Variants in C2CD3 observed in about 807,000 individuals in gnomAD.
The protein encoded by C2CD3 is C2 domain containing 3 centriole elongation regulator, also known as C2 domain-containing protein 3.
C2CD3 carries 148 observed loss-of-function variants against 234.0 expected under a neutral mutation model. The observed-to-expected ratio is 0.63, with a 90% CI of 0.55 to 0.72. The LOEUF is 0.72. Ranked by LOEUF, C2CD3 falls within the 30% of genes least tolerant of loss-of-function variation. The pLI is 0.00. For missense variants in C2CD3, 2,577 were observed against 2,811.5 expected (o/e 0.92, Z 1.89); for synonymous variants, 1,000 against 1,035.4 (o/e 0.97, Z 0.66).
intron 3 of C2CD3, among the ~76,000 whole-genome samples, chr11:74,153,871 G>C (rs890047252): frequency 2.6e-5 from 4 of 151,752 alleles, no homozygotes; most frequent in African/African-American, 9.7e-5. Flanking sequence ...AAAACAAAAA[G>C]AAATACAGAT....
intron 32 of C2CD3, among the ~76,000 whole-genome samples, chr11:74,023,108 A>T (rs1236497118): frequency 6.6e-6 from 1 of 152,262 alleles, no homozygotes; most frequent in Non-Finnish European, 1.5e-5. Context: ...TCTGTTTCAC[A>T]GATGCTTCCA....
In C2CD3 at chr11:74,013,430, G is replaced by A. The variant is rs867572211; in HGVS notation, c.7017C>T (p.Leu2339=). The A allele has an allele frequency of 3.6e-6, 5 of 1,386,534 alleles. No individual in the cohort carries two copies. The Middle Eastern group carries it at 5.4e-4, about 150-fold the overall frequency. The allele number at this position is 1,386,534 out of a possible 1,614,324, so 85.9% of individuals were successfully genotyped here. ...GAGAAGAAAATATCCGTGCAATCCT[G>A]AGAGTTTCTTCCTCAGGCAGGTTGA... ...LPLNLPEEET[L]RIARIFSSQY... Residue 2339 remains leucine (L), a synonymous_variant, in exon 33 of 33, where the codon CTC becomes CTT. Transcript: ENST00000334126.
At chr11:74,049,771 T>TTCTC (rs150125078) in intron 26 of C2CD3, among the ~76,000 whole-genome samples, 2 of 150,616 alleles carry the variant, frequency 1.3e-5, no homozygotes, top group East Asian at 3.9e-4. Flanking sequence ...TTGCACTTCA[T>TTCTC]TCTCTCTCTC....
chr11:74,043,868 C>T (rs1162483813), intron 28 of C2CD3, among the ~76,000 whole-genome samples: 3 of 152,154 alleles, frequency 2.0e-5, no homozygotes, highest in African/African-American at 4.8e-5. Flanking sequence ...CAGGGTCTCA[C>T]TTTGTCTTCC....
At chr11:74,103,042 A>G (rs2135496327) in intron 14 of C2CD3, 89 bp downstream of exon 14, 1 of 1,319,474 alleles carries the variant, frequency 7.6e-7, no homozygotes, top group Non-Finnish European at 1.1e-6. Flanking sequence ...TAGTCTGAAC[A>G]TTCTAGATTT....
intron 22 of C2CD3, among the ~76,000 whole-genome samples, 175 bp from the exon 23 acceptor site, chr11:74,078,892 T>C (rs761121760): frequency 5.3e-5 from 8 of 152,150 alleles, no homozygotes; most frequent in Admixed American, 1.3e-4. Context: ...TGAGATTAGA[T>C]GGGAAGAACA....
chr11:74,024,881 T>C (rs1316475711), intron 32 of C2CD3, among the ~76,000 whole-genome samples: 1 of 152,110 alleles, frequency 6.6e-6, no homozygotes, highest in Admixed American at 6.6e-5. Flanking sequence ...TCCTGGATCC[T>C]GGGTTCCAGT....
rs146926425 is a variant in C2CD3, at chr11:74,076,176, A to G, written c.4604-1576T>C. Among the ~76,000 whole-genome samples, 14 of 152,282 alleles carry G rather than the reference A, an allele frequency of 9.2e-5. No individual in the cohort carries two copies. In the East Asian group the frequency reaches 2.5e-3, roughly 27 times the overall value. ...CTTTGAAGGGACTCTAGGCCTGCCC[A>G]GATAAAACAGAGCACATGGCATTTG... On this transcript the variant is annotated intron_variant, in intron 23 of 32. Coordinates refer to ENST00000334126, the MANE Select transcript of C2CD3 (RefSeq NM_001286577.2).
intron 3 of C2CD3, 46 bp from the exon 4 acceptor site, chr11:74,139,874 T>G: frequency 8.9e-7 from 1 of 1,121,644 alleles, no homozygotes; most frequent in Middle Eastern, 2.1e-4. Context: ...TAGCATTGAT[T>G]AACTAATTTT....
At chr11:74,066,943 A>G (rs1385070230) in intron 24 of C2CD3, among the ~76,000 whole-genome samples, 1 of 152,198 alleles carries the variant, frequency 6.6e-6, no homozygotes, top group East Asian at 1.9e-4. Flanking sequence ...TACAATAAGC[A>G]TAACATCTAC....
At chr11:74,126,519 G>GA (rs1431715254) in intron 7 of C2CD3, among the ~76,000 whole-genome samples, 3 of 152,166 alleles carry the variant, frequency 2.0e-5, no homozygotes, top group Admixed American at 2.0e-4. Flanking sequence ...GAGGCCGGCG[G>GA]AAGACTTGAG....
intron 28 of C2CD3, among the ~76,000 whole-genome samples, chr11:74,044,669 T>C (rs1425010684): frequency 6.6e-6 from 1 of 152,190 alleles, no homozygotes; most frequent in African/African-American, 2.4e-5. Context: ...ACTAAGCATA[T>C]TACCTAACAG....
chr11:74,084,566 A>G (rs187603830), intron 22 of C2CD3, among the ~76,000 whole-genome samples: 1 of 152,122 alleles, frequency 6.6e-6, no homozygotes, highest in African/African-American at 2.4e-5. Context: ...GTGAGCCACC[A>G]TGCGTGGTCT....
At chr11:74,110,120 A>G (rs1956691491) in intron 11 of C2CD3, among the ~76,000 whole-genome samples, 1 of 151,956 alleles carries the variant, frequency 6.6e-6, no homozygotes, top group African/African-American at 2.4e-5. Context: ...AATAAAATAA[A>G]AAGAATTTGA....
At chr11:74,059,410 C>CAAAAAAAAA (rs57052333) in intron 24 of C2CD3, among the ~76,000 whole-genome samples, 13 of 29,954 alleles carry the variant, frequency 4.3e-4, no homozygotes, top group African/African-American at 1.5e-3. Flanking sequence ...GACTCTGTCT[C>CAAAAAAAAA]AAAAAAAAAA....
chr11:74,033,250 C>G (rs1192641695), intron 31 of C2CD3, 101 bp downstream of exon 31: 6 of 919,926 alleles, frequency 6.5e-6, no homozygotes, highest in Non-Finnish European at 9.6e-6. Context: ...TCTTTCCATG[C>G]CCCCTAGTGC....
intron 24 of C2CD3, among the ~76,000 whole-genome samples, chr11:74,071,173 A>G (rs1954771352): frequency 6.6e-6 from 1 of 152,236 alleles, no homozygotes; most frequent in African/African-American, 2.4e-5. Flanking sequence ...TGATGCAGCA[A>G]AGCAAACATA....
chr11:74,142,966 T>C (rs1854906791), intron 3 of C2CD3, among the ~76,000 whole-genome samples: 2 of 152,314 alleles, frequency 1.3e-5, no homozygotes, highest in South Asian at 4.1e-4. Flanking sequence ...ATTTTTTTCT[T>C]TAAATGTCCC....
chr11:74,033,431 T>C lies in C2CD3; in HGVS notation c.6729A>G (p.Gly2243=), dbSNP rs1952600339. The C allele has an allele frequency of 6.5e-7, 1 of 1,536,122 alleles. No individual in the cohort carries two copies. The highest frequency in any genetic ancestry group is 8.7e-7 in the Non-Finnish European group (1 of 1,146,900). The change falls in exon 31 of 33, where the codon GGA becomes GGG. Residue 2243 remains glycine, a synonymous_variant. Transcript: ENST00000334126. ...ASQSRRENHK[G]PPIDSSDIRQ... is the part of the protein sequence containing the mutation. ...TGATGTCAGAGGAGTCGATGGGTGG[T>C]CCCTTATGGTTTTCCCTTCTGCTCT...
Sources: gnomAD v4.1 joint callset for allele counts (sites outside exome capture counted in the v4.1 genomes callset) on GRCh38, gnomAD v4.1.1 for gene constraint, MANE v1.5 for transcripts, NCBI Gene and HGNC (gene_info 2026-07-23, HGNC 2026-07-21) for gene names.